NBEA: variants seen among roughly 807,000 people sequenced by gnomAD.
NBEA encodes the protein lysosomal-trafficking regulator 2.
A neutral mutation model predicts 343.4 loss-of-function variants in NBEA; 44 were observed. That is an observed-to-expected ratio of 0.13 (90% confidence interval 0.10 to 0.16). NBEA has a LOEUF of 0.16. Ranked by LOEUF, NBEA falls within the 10% of genes least tolerant of loss-of-function variation. The pLI is 1.00. For synonymous variants in NBEA, 1,175 were observed against 1,238.7 expected (o/e 0.95, Z 1.08); for missense variants, 2,555 against 3,631.3 (o/e 0.70, Z 7.62).
At chr13:35,570,010 TTTTGTTTG>T (rs373116287) in intron 45 of NBEA, among the ~76,000 whole-genome samples, 3,860 of 152,048 alleles carry the variant, frequency 0.025, 169 homozygotes, top group African/African-American at 0.086. Flanking sequence ...CATTTCAAGG[TTTTGTTTG>T]TTTGTTTGTT....
intron 13 of NBEA, among the ~76,000 whole-genome samples, chr13:35,114,123 GT>G (rs1304553934): frequency 2.0e-5 from 3 of 152,140 alleles, no homozygotes; most frequent in Non-Finnish European, 4.4e-5. Context: ...TGGATGTGAG[GT>G]GTGCTTCTTG....
chr13:35,364,551 A>T lies in NBEA; in HGVS notation c.6179+12228A>T, dbSNP rs571825374. On this transcript the variant is annotated intron_variant, in intron 38 of 58. Transcript: ENST00000379939. ...TTTTAAAAGGATGGGACATTGTAGG[A>T]TGTTTGAATTTAAGATTCAGAAATA... 2.2e-3 allele frequency among the ~76,000 whole-genome samples: 332 copies of T among 151,940 alleles called. 1 individual carries two copies. Among genetic ancestry groups the T allele is most frequent in the African/African-American group, 7.8e-3 (322 of 41,544 alleles).
intron 38 of NBEA, among the ~76,000 whole-genome samples, chr13:35,376,175 A>G (rs1357278708): frequency 1.3e-5 from 2 of 152,144 alleles, no homozygotes; most frequent in African/African-American, 2.4e-5. Flanking sequence ...TCAATGCTAC[A>G]TTAACTTTTC....
intron 17 of NBEA, among the ~76,000 whole-genome samples, chr13:35,134,418 G>A (rs1026068897): frequency 4.6e-5 from 7 of 150,614 alleles, no homozygotes; most frequent in Non-Finnish European, 1.0e-4. Context: ...AGACAGAGTA[G>A]ACATTTTATT....
At chr13:35,223,424 T>C (rs1045364467) in intron 33 of NBEA, among the ~76,000 whole-genome samples, 8 of 152,208 alleles carry the variant, frequency 5.3e-5, no homozygotes, top group Non-Finnish European at 7.4e-5. Flanking sequence ...TGTGGACTTA[T>C]GTAATTTTAA....
intron 58 of NBEA, among the ~76,000 whole-genome samples, chr13:35,669,348 G>A (rs189717610): frequency 2.2e-4 from 34 of 152,140 alleles, no homozygotes; most frequent in Non-Finnish European, 3.4e-4. Flanking sequence ...GTTAATCAAC[G>A]TTTTTCCCAA....
At chr13:35,551,595 G>T (rs904985482) in intron 43 of NBEA, among the ~76,000 whole-genome samples, 3 of 152,042 alleles carry the variant, frequency 2.0e-5, no homozygotes, top group Non-Finnish European at 4.4e-5. Flanking sequence ...TACTTATATT[G>T]CTGATATCAG....
chr13:35,431,051 T>G (rs1485087801), intron 38 of NBEA, among the ~76,000 whole-genome samples: 1 of 152,098 alleles, frequency 6.6e-6, no homozygotes. Context: ...TCTAAAATGC[T>G]TTTCAAAATG....
intron 1 of NBEA, among the ~76,000 whole-genome samples, chr13:34,975,496 G>C: frequency 6.6e-6 from 1 of 152,100 alleles, no homozygotes; most frequent in East Asian, 1.9e-4. Flanking sequence ...GATAACATTG[G>C]AAAAACCCTT....
intron 33 of NBEA, among the ~76,000 whole-genome samples, chr13:35,216,624 T>A (rs898790235): frequency 1.3e-5 from 2 of 151,988 alleles, no homozygotes; most frequent in African/African-American, 4.8e-5. Context: ...TTTTTCTAAT[T>A]TTCCCTATTT....
At chr13:35,648,180 CTTTTTTTTTT>C (rs949635885) in intron 51 of NBEA, among the ~76,000 whole-genome samples, 4 of 104,182 alleles carry the variant, frequency 3.8e-5, no homozygotes, top group Admixed American at 2.1e-4. Flanking sequence ...TGTTTAAACT[CTTTTTTTTTT>C]TTTTTTTTTT....
chr13:35,435,978 G>A (rs769428228), intron 39 of NBEA, among the ~76,000 whole-genome samples: 121 of 149,856 alleles, frequency 8.1e-4, no homozygotes, highest in Non-Finnish European at 1.5e-3. Flanking sequence ...AAAGACAGGG[G>A]AAAAAAAGCT....
At chr13:34,977,783 T>C (rs574881211) in intron 1 of NBEA, among the ~76,000 whole-genome samples, 2 of 152,080 alleles carry the variant, frequency 1.3e-5, no homozygotes, top group Non-Finnish European at 2.9e-5. Flanking sequence ...TCAATCACTA[T>C]TTGTAGAAGG....
Position 35,070,794 on chromosome 13 carries a change from C to T in NBEA, c.1513C>T (p.Leu505Phe). 1 of 1,610,224 alleles carries T rather than the reference C, an allele frequency of 6.2e-7. No individual in the cohort carries two copies. The highest frequency in any genetic ancestry group is 2.2e-5 in the East Asian group (1 of 44,718). The change falls in exon 10 of 59, where the codon CTT becomes TTT. Residue 505 changes from leucine to phenylalanine, a missense_variant. Physicochemically the swap from Leu to Phe is conservative, Grantham distance 22. Transcript: ENST00000379939. ...TGGAGGGATTCAAGTGCTTTTTCCA[C>T]TTTTTGCCCAATTGGATAATAGGCA... ...SIGGIQVLFP[L>F]FAQLDNRQLN...
chr13:35,052,521 T>C (rs2063100908), intron 6 of NBEA, among the ~76,000 whole-genome samples: 1 of 151,986 alleles, frequency 6.6e-6, no homozygotes, highest in Non-Finnish European at 1.5e-5. Flanking sequence ...TTACTGGTTG[T>C]GTCTTTCTTT....
At chr13:35,316,685 C>T (rs1295713048) in intron 36 of NBEA, among the ~76,000 whole-genome samples, 1 of 152,190 alleles carries the variant, frequency 6.6e-6, no homozygotes, top group East Asian at 1.9e-4. Context: ...AATTGCCACA[C>T]TGTCTTCCAC....
At chr13:35,193,867 G>A (rs1433129457) in intron 30 of NBEA, among the ~76,000 whole-genome samples, 2 of 151,772 alleles carry the variant, frequency 1.3e-5, no homozygotes, top group African/African-American at 4.8e-5. Flanking sequence ...CAAATATGAG[G>A]AAAACTATGA....
intron 34 of NBEA, among the ~76,000 whole-genome samples, chr13:35,288,915 G>T (rs2035616311): frequency 1.3e-5 from 2 of 151,946 alleles, no homozygotes; most frequent in African/African-American, 4.8e-5. Flanking sequence ...GAGAATTGCT[G>T]ATCAGTTACA....
intron 41 of NBEA, among the ~76,000 whole-genome samples, chr13:35,491,078 A>G (rs1024548213): frequency 6.6e-6 from 1 of 151,978 alleles, no homozygotes; most frequent in Admixed American, 6.6e-5. Context: ...CCAAGACCAC[A>G]CAGTAACTAG....
Sources: allele counts gnomAD v4.1 joint callset (sites outside exome capture counted in the v4.1 genomes callset), GRCh38; gene constraint gnomAD v4.1.1; transcripts MANE v1.5; gene names NCBI Gene and HGNC (gene_info 2026-07-23, HGNC 2026-07-21).